WRN: variants seen among roughly 807,000 people sequenced by gnomAD.
The protein encoded by WRN is WRN RecQ like helicase.
In WRN, 149 loss-of-function variants were observed where a neutral mutation model predicts 180.7. The observed-to-expected ratio is 0.82, with a 90% CI of 0.72 to 0.94. The LOEUF is 0.94. WRN is among the 40% of genes least tolerant of loss of function. WRN has a pLI of 0.00. For missense variants in WRN, 1,661 were observed against 1,700.1 expected (o/e 0.98, Z 0.40); for synonymous variants, 548 against 568.9 (o/e 0.96, Z 0.52).
At chr8:31,043,790 C>T (rs889763508) in intron 1 of WRN, among the ~76,000 whole-genome samples, 2 of 152,164 alleles carry the variant, frequency 1.3e-5, no homozygotes, top group African/African-American at 2.4e-5. Flanking sequence ...CTTCATATGC[C>T]TGACCTCAGT....
intron 27 of WRN, 23 bp from the exon 28 acceptor site, chr8:31,143,527 G>A (rs2130426561): frequency 6.7e-7 from 1 of 1,492,028 alleles, no homozygotes; most frequent in South Asian, 1.2e-5. Context: ...TTTTTTAATG[G>A]ACCTTTATAT....
chr8:31,111,764 C>A lies in WRN; in HGVS notation c.2238C>A (p.Ile746=), dbSNP rs764724926. The part of the protein sequence containing the change: ...YLEVRRKTGN[I]LQDLQPFLVK... ...AAGTTAGGCGAAAAACAGGGAATAT[C>A]CTTCAGGATCTGCAGCCATTTCTTG... is the stretch of plus-strand genomic sequence containing the variant. Residue 746 remains isoleucine, a synonymous_variant, in exon 19 of 35, where the codon ATC becomes ATA. Coordinates refer to ENST00000298139, the MANE Select transcript of WRN (RefSeq NM_000553.6). 5.6e-6 allele frequency: 9 copies of A among 1,613,920 alleles called. No individual in the cohort carries two copies. Among genetic ancestry groups the A allele is most frequent in the South Asian group, 3.3e-5 (3 of 91,074 alleles).
At chr8:31,113,800 C>T (rs1476943121) in intron 19 of WRN, among the ~76,000 whole-genome samples, 9 of 151,564 alleles carry the variant, frequency 5.9e-5, no homozygotes, top group African/African-American at 9.7e-5. Flanking sequence ...ACTTTTTAGC[C>T]GAGACTATTA....
At chr8:31,080,377 T>TCTC (rs1813253121) in intron 8 of WRN, among the ~76,000 whole-genome samples, 1 of 152,080 alleles carries the variant, frequency 6.6e-6, no homozygotes, top group African/African-American at 2.4e-5. Flanking sequence ...CCTGAAGCAA[T>TCTC]CTGAGTGCGG....
intron 19 of WRN, among the ~76,000 whole-genome samples, chr8:31,115,398 G>A (rs1404689391): frequency 6.6e-6 from 1 of 151,926 alleles, no homozygotes; most frequent in Non-Finnish European, 1.5e-5. Flanking sequence ...AGTCCTTAAA[G>A]GTTTTATAAT....
chr8:31,167,265 A>T, intron 34 of WRN, 35 bp downstream of exon 34: 3 of 1,569,050 alleles, frequency 1.9e-6, no homozygotes, highest in Non-Finnish European at 2.6e-6. Context: ...ATAAAGTGTC[A>T]GTTTGTTCAA....
Position 31,167,161 on chromosome 8 carries a change from T to G in WRN, c.4122T>G (p.Cys1374Trp). The change falls in exon 34 of 35, where the codon TGT becomes TGG. Residue 1374 changes from cysteine (C) to tryptophan (W), a missense_variant. Cys to Trp is a radical substitution (Grantham distance 215, BLOSUM62 -2). Transcript: ENST00000298139. ...QPSCDVNKRR[C>W]FPGSEEICSS... ...CATGTGATGTCAACAAAAGGAGATG[T>G]TTTCCCGGTTCTGAAGAGATCTGTT... 6.2e-7 allele frequency: 1 copy of G among 1,613,306 alleles called. No homozygotes were observed. Among genetic ancestry groups the G allele is most frequent in the Non-Finnish European group, 8.5e-7 (1 of 1,179,480 alleles).
At chr8:31,074,223 C>G (rs1813017786) in intron 7 of WRN, among the ~76,000 whole-genome samples, 1 of 152,016 alleles carries the variant, frequency 6.6e-6, no homozygotes. Context: ...CCGCGCCCGG[C>G]CCAAGAGTAA....
intron 33 of WRN, among the ~76,000 whole-genome samples, chr8:31,164,460 T>A (rs1803770206): frequency 6.6e-6 from 1 of 152,184 alleles, no homozygotes; most frequent in South Asian, 2.1e-4. Context: ...TGACACAATA[T>A]TTACCTAAAA....
chr8:31,059,331 G>A, intron 3 of WRN, 66 bp downstream of exon 3: 1 of 1,325,992 alleles, frequency 7.5e-7, no homozygotes, highest in Middle Eastern at 1.8e-4. Context: ...TTATGGTAAT[G>A]TTTGTGAATA....
intron 19 of WRN, among the ~76,000 whole-genome samples, chr8:31,114,302 T>C (rs1212159203): frequency 6.6e-6 from 1 of 152,178 alleles, no homozygotes; most frequent in Non-Finnish European, 1.5e-5. Context: ...AAGTCTTAAT[T>C]ATAATATATT....
At chr8:31,044,142 C>T (rs770806264) in intron 1 of WRN, among the ~76,000 whole-genome samples, 36 of 148,452 alleles carry the variant, frequency 2.4e-4, no homozygotes, top group Non-Finnish European at 3.4e-4. Context: ...CCCAGGTTCA[C>T]GCCATTCTCC....
intron 33 of WRN, among the ~76,000 whole-genome samples, chr8:31,164,596 C>T (rs912820034): frequency 1.3e-5 from 2 of 151,998 alleles, no homozygotes; most frequent in Non-Finnish European, 2.9e-5. Flanking sequence ...TTTTGTTTTT[C>T]CTTGTTTATA....
rs560922465 is a variant in WRN, at chr8:31,081,274, A to G, written c.1247A>G (p.Asp416Gly). Residue 416 changes from aspartate (D) to glycine (G), a missense_variant, in exon 9 of 35, where the codon GAT (aspartate) becomes GGT (glycine). By Grantham distance (94) the Asp-to-Gly change is moderately conservative (BLOSUM62 -1). This residue lies in a region of WRN where 500 missense variants were observed against 504.1 expected (regional missense o/e 0.99). Transcript: ENST00000298139. ...EQQSQEEYLSDIAYKSTEHLS... is the reference protein window; with the variant it reads ...EQQSQEEYLSGIAYKSTEHLS... ...CAGTCTCAGGAAGAATATCTTAGTGATATTGCTTATAAATCTACTGAGGTA... is the reference window on the plus strand; with the variant it reads ...CAGTCTCAGGAAGAATATCTTAGTGGTATTGCTTATAAATCTACTGAGGTA... The G allele has an allele frequency of 9.3e-5, 150 of 1,613,508 alleles. 3 individuals carry two copies. The South Asian group carries it at 1.5e-3, about 16-fold the overall frequency.
At chr8:31,147,191 A>G in intron 29 of WRN, 63 bp downstream of exon 29, 2 of 1,557,286 alleles carry the variant, frequency 1.3e-6, no homozygotes, top group Non-Finnish European at 1.8e-6. Context: ...ATGTATGCTT[A>G]AAATTCTGTA....
intron 24 of WRN, among the ~76,000 whole-genome samples, chr8:31,137,739 G>A (rs1802452210): frequency 6.6e-6 from 1 of 152,052 alleles, no homozygotes; most frequent in Non-Finnish European, 1.5e-5. Flanking sequence ...TGTAGCTTAA[G>A]AGCCCCCACA....
intron 1 of WRN, among the ~76,000 whole-genome samples, chr8:31,044,549 G>A (rs1160670986): frequency 6.6e-6 from 1 of 151,862 alleles, no homozygotes; most frequent in East Asian, 1.9e-4. Flanking sequence ...TAGAGATGGG[G>A]TTTTACCATG....
intron 24 of WRN, among the ~76,000 whole-genome samples, chr8:31,140,465 A>G (rs1802576274): frequency 6.6e-6 from 1 of 152,240 alleles, no homozygotes; most frequent in Admixed American, 6.5e-5. Context: ...AGAATTGCAT[A>G]TGACAGACTA....
intron 21 of WRN, among the ~76,000 whole-genome samples, chr8:31,123,569 C>A (rs1263473849): frequency 6.6e-6 from 1 of 152,010 alleles, no homozygotes; most frequent in Non-Finnish European, 1.5e-5. Flanking sequence ...TTCAGACTTT[C>A]CAGAACTCCT....
Sources: allele counts gnomAD v4.1 joint callset (sites outside exome capture counted in the v4.1 genomes callset), GRCh38; gene constraint gnomAD v4.1.1; regional missense constraint gnomAD v4.1.1; transcripts MANE v1.5; gene names NCBI Gene and HGNC (gene_info 2026-07-23, HGNC 2026-07-21).